Variants in LRRIQ3 observed in about 807,000 individuals in gnomAD.
LRRIQ3 encodes the protein leucine rich repeats and IQ motif containing 3, also known as leucine-rich repeat and IQ domain-containing protein 3.
A neutral mutation model predicts 59.3 loss-of-function variants in LRRIQ3; 75 were observed. The observed-to-expected ratio is 1.26, with a 90% CI of 1.05 to 1.53. LRRIQ3 has a LOEUF of 1.53. Ranked by LOEUF, LRRIQ3 falls within the 40% of genes most tolerant of loss-of-function variation. The pLI is 0.00. For synonymous variants in LRRIQ3, 250 were observed against 231.3 expected (o/e 1.08, Z -0.73); for missense variants, 831 against 710.0 (o/e 1.17, Z -1.94).
In LRRIQ3 at chr1:74,090,702, A is replaced by G. The variant is rs371862882; in HGVS notation, c.868-15912T>C. On this transcript the variant is annotated intron_variant, in intron 5 of 7. Transcript: ENST00000354431. ...CAGGATTTCAAGACCAGCCTGGGCAACAACCTTGTCTCTAAAAAAAAAGTA... is the reference window on the plus strand; with the variant it reads ...CAGGATTTCAAGACCAGCCTGGGCAGCAACCTTGTCTCTAAAAAAAAAGTA... 4.6e-5 allele frequency among the ~76,000 whole-genome samples: 7 copies of G among 152,142 alleles called. No individual in the cohort carries two copies. In the East Asian group the frequency reaches 1.4e-3, roughly 29 times the overall value.
chr1:74,056,094 G>A (rs1321396823), intron 6 of LRRIQ3, among the ~76,000 whole-genome samples: 1 of 151,286 alleles, frequency 6.6e-6, no homozygotes, highest in Non-Finnish European at 1.5e-5. Flanking sequence ...GCAGTGAGCC[G>A]AGATCATGCC....
chr1:74,178,376 AT>A (rs1649774077), intron 3 of LRRIQ3, among the ~76,000 whole-genome samples: 1 of 151,476 alleles, frequency 6.6e-6, no homozygotes, highest in African/African-American at 2.4e-5. Context: ...ATTCTTTTTT[AT>A]CTTTTGTATT....
At chr1:74,081,717 C>A (rs532842198) in intron 5 of LRRIQ3, among the ~76,000 whole-genome samples, 2 of 150,988 alleles carry the variant, frequency 1.3e-5, no homozygotes, top group South Asian at 4.2e-4. Flanking sequence ...CTATTCACAA[C>A]CCTATTTTTC....
intron 3 of LRRIQ3, among the ~76,000 whole-genome samples, chr1:74,157,800 C>A (rs1648428918): frequency 6.6e-6 from 1 of 152,098 alleles, no homozygotes; most frequent in South Asian, 2.1e-4. Flanking sequence ...AATCTCTACA[C>A]ATCCTCCAAA....
intron 6 of LRRIQ3, among the ~76,000 whole-genome samples, chr1:74,043,999 A>G (rs10493533): frequency 0.094 from 14,271 of 151,966 alleles, 692 homozygotes; most frequent in Middle Eastern, 0.13. Context: ...TTCACGTCAT[A>G]TTTTCCTTAT....
intron 4 of LRRIQ3, among the ~76,000 whole-genome samples, chr1:74,125,220 A>G (rs1193957497): frequency 6.6e-6 from 1 of 151,886 alleles, no homozygotes; most frequent in African/African-American, 2.4e-5. Flanking sequence ...TCCTGCAACT[A>G]TACTGAATTT....
chr1:74,108,064 T>G lies in LRRIQ3; in HGVS notation c.867+1330A>C, dbSNP rs1275796734. ...TTTGGAAAATGAATATTTTATTTGA[T>G]TTCATGCACATATATATTTGCTTGC... On this transcript the variant is annotated intron_variant, in intron 5 of 7. Transcript: ENST00000354431. Among the ~76,000 whole-genome samples, 3 of 151,910 alleles carry G rather than the reference T, an allele frequency of 2.0e-5. No homozygotes were observed. In the East Asian group the frequency reaches 5.8e-4, roughly 29 times the overall value.
Position 74,032,290 on chromosome 1 carries a change from T to G in LRRIQ3, c.1719-5321A>C, listed in dbSNP as rs191814058. Reference sequence around the variant, plus strand: ...ACAGAACAAAGTTGGAATCTATTTTTCATTCCACATAACAATTTACCCATA... The same window carrying G: ...ACAGAACAAAGTTGGAATCTATTTTGCATTCCACATAACAATTTACCCATA... On this transcript the variant is annotated intron_variant, in intron 7 of 7. Coordinates refer to ENST00000354431, the MANE Select transcript of LRRIQ3 (RefSeq NM_001105659.2). Among the ~76,000 whole-genome samples, 386 of 152,170 alleles carry G rather than the reference T, an allele frequency of 2.5e-3. 2 individuals carry two copies. Among genetic ancestry groups the G allele is most frequent in the African/African-American group, 8.6e-3 (358 of 41,540 alleles).
chr1:74,048,207 C>G (rs1484612516), intron 6 of LRRIQ3, among the ~76,000 whole-genome samples: 1 of 152,160 alleles, frequency 6.6e-6, no homozygotes, highest in Non-Finnish European at 1.5e-5. Context: ...AGTTGCCCAA[C>G]TGGTATGCTG....
At chr1:74,117,325 CTT>C (rs1490485127) in intron 4 of LRRIQ3, among the ~76,000 whole-genome samples, 1 of 152,008 alleles carries the variant, frequency 6.6e-6, no homozygotes, top group African/African-American at 2.4e-5. Context: ...TAAATAAAGA[CTT>C]GACTTAATGA....
intron 3 of LRRIQ3, among the ~76,000 whole-genome samples, chr1:74,173,500 T>C (rs966986707): frequency 2.0e-5 from 3 of 152,042 alleles, no homozygotes; most frequent in African/African-American, 7.2e-5. Flanking sequence ...TGCTATTTTA[T>C]CTTTTGTGTA....
At chr1:74,048,884 C>T (rs1168358416) in intron 6 of LRRIQ3, among the ~76,000 whole-genome samples, 1 of 152,016 alleles carries the variant, frequency 6.6e-6, no homozygotes, top group Non-Finnish European at 1.5e-5. Context: ...AATGCACTAT[C>T]CCAGGGCTCA....
intron 1 of LRRIQ3, among the ~76,000 whole-genome samples, chr1:74,197,114 A>G (rs1651224984): frequency 6.6e-6 from 1 of 152,174 alleles, no homozygotes; most frequent in Admixed American, 6.5e-5. Flanking sequence ...TTTAAATGTA[A>G]AACTATGAAA....
At chr1:74,132,533 C>A (rs1310966299) in intron 4 of LRRIQ3, among the ~76,000 whole-genome samples, 1 of 152,054 alleles carries the variant, frequency 6.6e-6, no homozygotes, top group Non-Finnish European at 1.5e-5. Flanking sequence ...ACCAATGGAA[C>A]AGAACAGAGC....
At chr1:74,072,354 T>C (rs966532343) in intron 6 of LRRIQ3, among the ~76,000 whole-genome samples, 1 of 152,102 alleles carries the variant, frequency 6.6e-6, no homozygotes, top group African/African-American at 2.4e-5. Context: ...CTCTTGGAAA[T>C]TTTAGAGGTA....
intron 4 of LRRIQ3, among the ~76,000 whole-genome samples, chr1:74,130,456 C>T (rs1354733142): frequency 6.6e-6 from 1 of 152,092 alleles, no homozygotes; most frequent in Non-Finnish European, 1.5e-5. Context: ...ATTCTCTTTC[C>T]ACGCCATGTG....
chr1:74,125,104 T>A (rs2100595586), intron 4 of LRRIQ3, among the ~76,000 whole-genome samples: 1 of 152,082 alleles, frequency 6.6e-6, no homozygotes, highest in East Asian at 1.9e-4. Flanking sequence ...AGGTATCTAA[T>A]TTTATTTCTA....
At chr1:74,134,409 A>G (rs999221157) in intron 4 of LRRIQ3, among the ~76,000 whole-genome samples, 6 of 152,068 alleles carry the variant, frequency 3.9e-5, no homozygotes, top group Non-Finnish European at 7.4e-5. Context: ...GCAGACTGAG[A>G]GCAGATTGAA....
chr1:74,067,221 G>A (rs917720196), intron 6 of LRRIQ3, among the ~76,000 whole-genome samples: 1 of 152,026 alleles, frequency 6.6e-6, no homozygotes, highest in Non-Finnish European at 1.5e-5. Context: ...TGAATTAAAA[G>A]ACAAATCATC....
Sources: allele counts gnomAD v4.1 joint callset (sites outside exome capture counted in the v4.1 genomes callset), GRCh38; gene constraint gnomAD v4.1.1; transcripts MANE v1.5; gene names NCBI Gene and HGNC (gene_info 2026-07-23, HGNC 2026-07-21).